The following FAM3B variants were observed in gnomAD, a reference collection of about 807,000 sequenced individuals.
The protein encoded by FAM3B is FAM3 metabolism regulating signaling molecule B, also known as protein FAM3B.
A neutral mutation model predicts 28.4 loss-of-function variants in FAM3B; 29 were observed. The observed-to-expected ratio is 1.02, with a 90% CI of 0.76 to 1.39. The LOEUF is 1.39. Among genes scored for constraint, FAM3B ranks in the 40% most tolerant of loss-of-function variants. The probability of loss-of-function intolerance (pLI) is 0.00; values close to 1 mark genes in which losing one functional copy is unlikely to be tolerated. For missense variants in FAM3B, 266 were observed against 293.9 expected (o/e 0.91, Z 0.69); for synonymous variants, 91 against 103.0 (o/e 0.88, Z 0.71).
At chr21:41,323,181 G>T in intron 2 of FAM3B, 115 bp downstream of exon 2, 1 of 1,407,148 alleles carries the variant, frequency 7.1e-7, no homozygotes, top group Non-Finnish European at 9.7e-7. Context: ...ATATCAGGAA[G>T]GAGGAGGAGA....
At chr21:41,323,366 G>A (rs941602313) in intron 2 of FAM3B, among the ~76,000 whole-genome samples, 1 of 152,218 alleles carries the variant, frequency 6.6e-6, no homozygotes, top group Non-Finnish European at 1.5e-5. Context: ...GGAAGCACAG[G>A]AGGGTCCAGG....
chr21:41,335,530 G>C (rs2088948380), intron 2 of FAM3B, among the ~76,000 whole-genome samples: 1 of 152,074 alleles, frequency 6.6e-6, no homozygotes. Flanking sequence ...TCCTGCTCTG[G>C]CCATGCTCCC....
chr21:41,311,246 AAAAAAATATATATATATATATATAT>A (rs1568908436), intron 1 of FAM3B, among the ~76,000 whole-genome samples: 2 of 66,642 alleles, frequency 3.0e-5, no homozygotes, highest in African/African-American at 5.8e-5. Context: ...CAAAAAAAAA[AAAAAAATATATATATATATATATAT>A]ATATATATAT....
upstream of FAM3B, among the ~76,000 whole-genome samples, chr21:41,314,735 C>G (rs2088734555): frequency 6.7e-6 from 1 of 149,142 alleles, no homozygotes; most frequent in African/African-American, 2.5e-5. Flanking sequence ...TCAGATATCA[C>G]TTCATACCCA....
intron 2 of FAM3B, among the ~76,000 whole-genome samples, chr21:41,327,952 A>G (rs2088868549): frequency 6.6e-6 from 1 of 152,228 alleles, no homozygotes; most frequent in African/African-American, 2.4e-5. Flanking sequence ...TAGAGGCGCG[A>G]GTCCTCTTCA....
At chr21:41,350,608 T>A (rs548498202) in intron 7 of FAM3B, among the ~76,000 whole-genome samples, 164 of 152,142 alleles carry the variant, frequency 1.1e-3, no homozygotes, top group Middle Eastern at 6.8e-3. Flanking sequence ...CCAACTTGGG[T>A]CTCCCCAAAA....
intron 4 of FAM3B, among the ~76,000 whole-genome samples, chr21:41,345,397 T>C (rs1355106147): frequency 6.6e-6 from 1 of 152,022 alleles, no homozygotes; most frequent in Non-Finnish European, 1.5e-5. Flanking sequence ...GAGGGGTCTC[T>C]GGTGTTTCTG....
intron 7 of FAM3B, among the ~76,000 whole-genome samples, chr21:41,352,708 C>T (rs779640711): frequency 2.6e-5 from 4 of 151,916 alleles, no homozygotes; most frequent in Non-Finnish European, 5.9e-5. Flanking sequence ...GCAGGAGAAT[C>T]GCTTGAAACC....
At chr21:41,304,585 G>T (rs1332158399) in intron 1 of FAM3B, among the ~76,000 whole-genome samples, 2 of 152,220 alleles carry the variant, frequency 1.3e-5, no homozygotes, top group African/African-American at 2.4e-5. Context: ...GGCTGCCTGG[G>T]CATGGACCCC....
intron 5 of FAM3B, 80 bp downstream of exon 5, chr21:41,345,816 A>G: frequency 5.2e-6 from 5 of 952,620 alleles, no homozygotes; most frequent in Non-Finnish European, 8.3e-6. Flanking sequence ...AAAAATGTCA[A>G]CCATTTTTAT....
At chr21:41,306,847 A>G (rs114723934) in intron 1 of FAM3B, among the ~76,000 whole-genome samples, 2,008 of 152,348 alleles carry the variant, frequency 0.013, 31 homozygotes, top group African/African-American at 0.047. Flanking sequence ...TAGTGCATTC[A>G]TCATCTGAAT....
intron 7 of FAM3B, 45 bp from the exon 8 acceptor site, chr21:41,357,063 T>C (rs199880988): frequency 1.4e-6 from 2 of 1,431,840 alleles, no homozygotes; most frequent in East Asian, 4.8e-5. Context: ...AAATACTTGT[T>C]TATTAGATTA....
At chr21:41,312,019 G>A (rs894704623), upstream of FAM3B, among the ~76,000 whole-genome samples, 1 of 152,156 alleles carries the variant, frequency 6.6e-6, no homozygotes, top group Admixed American at 6.5e-5. Context: ...GATCTCATGA[G>A]ACCCATTCAC....
intron 2 of FAM3B, among the ~76,000 whole-genome samples, chr21:41,335,347 C>T (rs187816336): frequency 7.4e-4 from 113 of 152,336 alleles, no homozygotes; most frequent in Admixed American, 2.1e-3. Flanking sequence ...TCAAATTTTG[C>T]TCCCTGTTGT....
intron 7 of FAM3B, among the ~76,000 whole-genome samples, chr21:41,350,992 C>T (rs181253049): frequency 1.1e-3 from 167 of 152,262 alleles, no homozygotes; most frequent in Non-Finnish European, 6.5e-4. Flanking sequence ...CCCCCCCATG[C>T]ACACGAGCGT....
intron 7 of FAM3B, among the ~76,000 whole-genome samples, chr21:41,355,970 A>G (rs2089161779): frequency 6.6e-6 from 1 of 152,002 alleles, no homozygotes; most frequent in South Asian, 2.1e-4. Flanking sequence ...ATAGAGGACT[A>G]AACCCACTTC....
rs578022461 is a variant in FAM3B at position 41,318,697 on chromosome 21, A to T, written c.19+1799A>T. ...GGTGATCTGAATACATATTGGTAAG[A>T]CAGCAGTGAAAACAGCTTCCCTGTC... On this transcript the variant is annotated intron_variant, in intron 1 of 7. Coordinates refer to ENST00000357985, the MANE Select transcript of FAM3B (RefSeq NM_058186.4). Among the ~76,000 whole-genome samples the T allele has an allele frequency of 3.9e-5, 6 of 152,250 alleles. No individual in the cohort carries two copies. In the South Asian group the frequency reaches 1.2e-3, roughly 32 times the overall value.
At chr21:41,313,889 G>C (rs2088729250), upstream of FAM3B, among the ~76,000 whole-genome samples, 3 of 152,234 alleles carry the variant, frequency 2.0e-5, no homozygotes, top group South Asian at 6.2e-4. Context: ...TGGAATGTTG[G>C]GTTGTATATG....
intron 2 of FAM3B, among the ~76,000 whole-genome samples, chr21:41,336,533 G>A (rs1057277919): frequency 6.6e-6 from 1 of 152,122 alleles, no homozygotes; most frequent in Non-Finnish European, 1.5e-5. Context: ...AAAGAAACAA[G>A]AAGTTTAAGA....
Sources: gnomAD v4.1 joint callset for allele counts (sites outside exome capture counted in the v4.1 genomes callset) on GRCh38, gnomAD v4.1.1 for gene constraint, MANE v1.5 for transcripts, NCBI Gene and HGNC (gene_info 2026-07-23, HGNC 2026-07-21) for gene names.